Variants in AFAP1 observed in about 807,000 individuals in gnomAD.
AFAP1 encodes the protein actin filament associated protein 1.
AFAP1 carries 75 observed loss-of-function variants against 93.9 expected under a neutral mutation model. The ratio of observed to expected loss-of-function variants is 0.80; its 90% CI spans 0.66 to 0.97. AFAP1 has a LOEUF of 0.97. Ranked by LOEUF, AFAP1 falls within the 50% of genes least tolerant of loss-of-function variation. The probability of loss-of-function intolerance (pLI) is 0.00; values close to 1 mark genes in which losing one functional copy is unlikely to be tolerated. For synonymous variants in AFAP1, 517 were observed against 430.7 expected (o/e 1.20, Z -2.48); for missense variants, 1,201 against 1,050.8 (o/e 1.14, Z -1.98).
intron 1 of AFAP1, among the ~76,000 whole-genome samples, chr4:7,907,080 A>G (rs1719453849): frequency 6.6e-6 from 1 of 152,216 alleles, no homozygotes; most frequent in African/African-American, 2.4e-5. Flanking sequence ...GAAATGCTAC[A>G]ACGTTGAAAT....
intron 7 of AFAP1, among the ~76,000 whole-genome samples, chr4:7,818,278 G>A (rs761683268): frequency 3.9e-5 from 6 of 152,182 alleles, no homozygotes; most frequent in Non-Finnish European, 7.3e-5. Flanking sequence ...CCACACTGCA[G>A]GTTTCAGACT....
intron 1 of AFAP1, among the ~76,000 whole-genome samples, chr4:7,933,423 A>G (rs1577371243): frequency 6.6e-6 from 1 of 152,070 alleles, no homozygotes. Flanking sequence ...AAATACAAAA[A>G]TTAGTCGGGC....
chr4:7,784,335 A>T (rs899889458), intron 12 of AFAP1, among the ~76,000 whole-genome samples: 3 of 152,078 alleles, frequency 2.0e-5, no homozygotes, highest in Admixed American at 2.0e-4. Context: ...TGGGACCTAC[A>T]AGCGGGCCCT....
intron 3 of AFAP1, 112 bp downstream of exon 3, chr4:7,868,510 A>C (rs2149175536): frequency 1.1e-6 from 1 of 884,168 alleles, no homozygotes; most frequent in South Asian, 1.8e-5. Context: ...GTGCCTCGAG[A>C]CAAATAAGGG....
intron 1 of AFAP1, among the ~76,000 whole-genome samples, chr4:7,911,943 G>C (rs1719757052): frequency 6.6e-6 from 1 of 152,186 alleles, no homozygotes; most frequent in Non-Finnish European, 1.5e-5. Flanking sequence ...AATATAGAAA[G>C]GATTCCATGA....
chr4:7,920,813 T>A (rs1275026221), intron 1 of AFAP1, among the ~76,000 whole-genome samples: 1 of 152,184 alleles, frequency 6.6e-6, no homozygotes, highest in Non-Finnish European at 1.5e-5. Flanking sequence ...TTTCATAATC[T>A]AAACTGTTTA....
chr4:7,929,680 C>T (rs1436702747), intron 1 of AFAP1, among the ~76,000 whole-genome samples: 1 of 152,248 alleles, frequency 6.6e-6, no homozygotes, highest in Non-Finnish European at 1.5e-5. Flanking sequence ...ACAGCTGCCT[C>T]TTCCTGTGTG....
chr4:7,891,738 C>A (rs1330258749), intron 1 of AFAP1, among the ~76,000 whole-genome samples: 3 of 116,104 alleles, frequency 2.6e-5, no homozygotes, highest in Non-Finnish European at 3.5e-5. Flanking sequence ...TAAATATGGT[C>A]TCATTAAAAA....
intron 9 of AFAP1, among the ~76,000 whole-genome samples, chr4:7,805,361 C>A (rs190568758): frequency 2.5e-4 from 38 of 152,336 alleles, no homozygotes; most frequent in Admixed American, 1.7e-3. Flanking sequence ...TCCATGAAGC[C>A]TCCGACTTGC....
intron 5 of AFAP1, among the ~76,000 whole-genome samples, chr4:7,839,063 G>C (rs1002203022): frequency 1.3e-5 from 2 of 152,180 alleles, no homozygotes; most frequent in South Asian, 4.1e-4. Flanking sequence ...GGCTGGGCAC[G>C]ATGGCTCACG....
At chr4:7,890,182 G>T (rs906981259) in intron 1 of AFAP1, among the ~76,000 whole-genome samples, 3 of 152,118 alleles carry the variant, frequency 2.0e-5, no homozygotes, top group African/African-American at 7.2e-5. Context: ...GTGTGGTATT[G>T]GTGTTAGGAT....
intron 11 of AFAP1, among the ~76,000 whole-genome samples, chr4:7,787,093 C>G (rs1289844933): frequency 1.3e-5 from 2 of 152,228 alleles, no homozygotes; most frequent in South Asian, 2.1e-4. Flanking sequence ...GCTCCTAAAA[C>G]TCTTGGAATT....
At chr4:7,832,259 A>G (rs541499509) in intron 6 of AFAP1, among the ~76,000 whole-genome samples, 3 of 151,952 alleles carry the variant, frequency 2.0e-5, no homozygotes, top group African/African-American at 7.2e-5. Flanking sequence ...GATCATCTGG[A>G]GGGGAAAAAA....
chr4:7,818,959 A>G, intron 7 of AFAP1, 117 bp downstream of exon 7: 1 of 935,618 alleles, frequency 1.1e-6, no homozygotes, highest in Non-Finnish European at 1.6e-6. Flanking sequence ...GCACGACTGC[A>G]CTTTTTCTTT....
chr4:7,812,677 G>A (rs1720151833), intron 8 of AFAP1, among the ~76,000 whole-genome samples: 1 of 152,178 alleles, frequency 6.6e-6, no homozygotes, highest in Non-Finnish European at 1.5e-5. Flanking sequence ...AGGTGGGCAG[G>A]CACTGGCGCA....
chr4:7,877,492 T>C (rs1184144112), intron 1 of AFAP1, among the ~76,000 whole-genome samples: 2 of 152,158 alleles, frequency 1.3e-5, no homozygotes, highest in Non-Finnish European at 2.9e-5. Flanking sequence ...TATGAACTCA[T>C]GTGCTCTTCA....
intron 1 of AFAP1, among the ~76,000 whole-genome samples, chr4:7,905,017 T>A (rs1560229549): frequency 6.6e-6 from 1 of 152,170 alleles, no homozygotes; most frequent in Non-Finnish European, 1.5e-5. Context: ...CCTACAAATG[T>A]GACTTATACA....
intron 3 of AFAP1, among the ~76,000 whole-genome samples, chr4:7,861,332 C>A (rs1463118188): frequency 6.6e-6 from 1 of 152,224 alleles, no homozygotes; most frequent in East Asian, 1.9e-4. Context: ...TGCTCATCTG[C>A]AGGAAGGAAT....
intron 1 of AFAP1, among the ~76,000 whole-genome samples, chr4:7,908,068 C>T (rs111532574): frequency 5.3e-5 from 8 of 152,038 alleles, no homozygotes; most frequent in African/African-American, 1.2e-4. Context: ...AAAAATTAGC[C>T]GGGCGTGGTG....
Sources: allele counts gnomAD v4.1 joint callset (sites outside exome capture counted in the v4.1 genomes callset), GRCh38; gene constraint gnomAD v4.1.1; transcripts MANE v1.5; gene names NCBI Gene and HGNC (gene_info 2026-07-23, HGNC 2026-07-21).